The following LARGE1 variants were observed in gnomAD, a reference collection of about 807,000 sequenced individuals.
LARGE1 encodes LARGE xylosyl- and glucuronyltransferase 1.
LARGE1 carries 43 observed loss-of-function variants against 87.6 expected under a neutral mutation model. That is an observed-to-expected ratio of 0.49 (90% CI 0.38 to 0.63). The LOEUF (loss-of-function observed/expected upper bound fraction) is 0.63, where lower values mean the gene tolerates loss of function less well. LARGE1 is among the 30% of genes least tolerant of loss of function. LARGE1 has a pLI of 0.00. For missense variants in LARGE1, 802 were observed against 1,000.2 expected (o/e 0.80, Z 2.67); for synonymous variants, 434 against 394.6 (o/e 1.10, Z -1.18).
rs529224500 is a variant in LARGE1 at position 33,595,485 on chromosome 22, A to G, written c.615+8950T>C. 8.5e-5 allele frequency among the ~76,000 whole-genome samples: 13 copies of G among 152,286 alleles called. No homozygotes were observed. The South Asian group carries it at 2.5e-3, about 29-fold the overall frequency. On this transcript the variant is annotated intron_variant, in intron 5 of 14. Coordinates refer to ENST00000397394, the MANE Select transcript of LARGE1 (RefSeq NM_133642.5). ...TCTCTGTCTATGGGATGGAGACACA[A>G]TGGGGAGCACATTTAAGCAAGTCAG... is the stretch of plus-strand genomic sequence containing the variant.
At chr22:33,555,955 T>A (rs544488007) in intron 6 of LARGE1, among the ~76,000 whole-genome samples, 1 of 150,908 alleles carries the variant, frequency 6.6e-6, no homozygotes, top group South Asian at 2.1e-4. Flanking sequence ...AAGTGTAGAT[T>A]TAATGTTTAT....
chr22:33,404,055 C>T (rs562389014), intron 7 of LARGE1, among the ~76,000 whole-genome samples: 2 of 152,270 alleles, frequency 1.3e-5, no homozygotes, highest in South Asian at 4.1e-4. Flanking sequence ...TATGTGCTAA[C>T]AGAAGAGGGA....
intron 9 of LARGE1, among the ~76,000 whole-genome samples, chr22:33,377,509 A>T (rs1298231627): frequency 6.6e-6 from 1 of 152,182 alleles, no homozygotes; most frequent in Non-Finnish European, 1.5e-5. Flanking sequence ...GAATAAATAT[A>T]ATTTTCTTTT....
chr22:33,404,688 G>T (rs185379071), intron 7 of LARGE1, among the ~76,000 whole-genome samples: 72 of 152,316 alleles, frequency 4.7e-4, no homozygotes, highest in African/African-American at 1.6e-3. Flanking sequence ...CGTGTCAATC[G>T]TTTAAACAGA....
chr22:33,838,097 G>C (rs2063161545), intron 1 of LARGE1, among the ~76,000 whole-genome samples: 1 of 152,310 alleles, frequency 6.6e-6, no homozygotes, highest in East Asian at 1.9e-4. Flanking sequence ...ACGTGCTACA[G>C]AACAGTACTC....
chr22:33,864,877 G>C (rs1470339940), intron 1 of LARGE1, among the ~76,000 whole-genome samples: 2 of 152,070 alleles, frequency 1.3e-5, no homozygotes, highest in African/African-American at 4.8e-5. Flanking sequence ...TCCTGATGTG[G>C]CCTTATCCTG....
At chr22:33,385,709 C>T (rs2065300446) in intron 7 of LARGE1, among the ~76,000 whole-genome samples, 1 of 147,898 alleles carries the variant, frequency 6.8e-6, no homozygotes. Flanking sequence ...GAGCACGGAA[C>T]ACAAAAAGCC....
intron 2 of LARGE1, 85 bp downstream of exon 2, chr22:33,761,286 G>T: frequency 1.9e-6 from 2 of 1,055,914 alleles, no homozygotes; most frequent in Non-Finnish European, 3.0e-6. Flanking sequence ...CTATTAGATG[G>T]CTTTGAGTTT....
At chr22:33,170,961 T>G (rs957973671) in intron 11 of LARGE1, among the ~76,000 whole-genome samples, 5 of 152,174 alleles carry the variant, frequency 3.3e-5, no homozygotes, top group African/African-American at 4.8e-5. Flanking sequence ...TTGGATGGTT[T>G]TGACCAAAAT....
chr22:33,727,016 G>T (rs2083291316), intron 2 of LARGE1, among the ~76,000 whole-genome samples: 1 of 152,174 alleles, frequency 6.6e-6, no homozygotes. Context: ...GGAAAAGCCG[G>T]GTAGGGAGAA....
chr22:33,908,537 A>G (rs559366947), intron 1 of LARGE1, among the ~76,000 whole-genome samples: 13 of 134,064 alleles, frequency 9.7e-5, no homozygotes, highest in South Asian at 5.7e-4. Context: ...ATGATGCATG[A>G]AATGGGGGGT....
Position 33,194,938 on chromosome 22 carries a change from C to A in LARGE1, c.1731-28106G>T, listed in dbSNP as rs565382240. Among the ~76,000 whole-genome samples, 30 of 152,300 alleles carry A rather than the reference C, an allele frequency of 2.0e-4. No individual in the cohort carries two copies. In the South Asian group the frequency reaches 6.2e-3, roughly 32 times the overall value. ...TGCTATTCCCCAAATCTCTAGACAA[C>A]TCATTGCTCCGATATTTTAACTACC... On this transcript the variant is annotated intron_variant, in intron 11 of 11. Coordinates refer to the LARGE1 transcript ENST00000608642.
At chr22:33,643,984 C>G (rs2080525842) in intron 3 of LARGE1, among the ~76,000 whole-genome samples, 1 of 152,186 alleles carries the variant, frequency 6.6e-6, no homozygotes, top group Admixed American at 6.5e-5. Flanking sequence ...ACCAGAGGTA[C>G]AAAGAGGAGC....
At chr22:33,799,588 G>T (rs1271650272) in intron 1 of LARGE1, among the ~76,000 whole-genome samples, 2 of 152,042 alleles carry the variant, frequency 1.3e-5, no homozygotes, top group Non-Finnish European at 2.9e-5. Flanking sequence ...TTACAGGCAT[G>T]CACCACCACG....
At chr22:33,478,059 T>C (rs533548687) in intron 6 of LARGE1, among the ~76,000 whole-genome samples, 119 of 152,230 alleles carry the variant, frequency 7.8e-4, no homozygotes, top group Admixed American at 3.9e-4. Flanking sequence ...CACGCATAGG[T>C]TGATTAAGCT....
At chr22:33,398,519 G>A (rs1464275854) in intron 7 of LARGE1, among the ~76,000 whole-genome samples, 1 of 152,154 alleles carries the variant, frequency 6.6e-6, no homozygotes, top group Non-Finnish European at 1.5e-5. Context: ...GGTCAACCCT[G>A]CAGATCTGAG....
At chr22:33,852,287 C>T (rs2063608998) in intron 1 of LARGE1, among the ~76,000 whole-genome samples, 1 of 152,134 alleles carries the variant, frequency 6.6e-6, no homozygotes, top group South Asian at 2.1e-4. Context: ...AGCTGAGAAA[C>T]TGAAACCGAT....
At chr22:33,377,317 G>A (rs2065021886) in intron 9 of LARGE1, among the ~76,000 whole-genome samples, 1 of 152,170 alleles carries the variant, frequency 6.6e-6, no homozygotes, top group Non-Finnish European at 1.5e-5. Flanking sequence ...CCCAGCAACT[G>A]CCTGTCCAGT....
At chr22:33,305,704 C>T in intron 11 of LARGE1, 1 of 548,860 alleles carries the variant, frequency 1.8e-6, no homozygotes. Flanking sequence ...CTCAGTAATT[C>T]TGTTAAGTGG....
Sources: gnomAD v4.1 joint callset for allele counts (sites outside exome capture counted in the v4.1 genomes callset) on GRCh38, gnomAD v4.1.1 for gene constraint, MANE v1.5 for transcripts, NCBI Gene and HGNC (gene_info 2026-07-23, HGNC 2026-07-21) for gene names.